Variants in EPB41L3 observed in about 807,000 individuals in gnomAD.
EPB41L3 encodes the protein erythrocyte membrane protein band 4.1 like 3, also known as band 4.1-like protein 3.
Under a neutral mutation model 127.1 loss-of-function variants are expected in EPB41L3, and 57 were observed. That is an observed-to-expected ratio of 0.45 (90% CI 0.36 to 0.56). EPB41L3 has a LOEUF of 0.56. EPB41L3 is among the 20% of genes least tolerant of loss of function. The pLI, the probability that EPB41L3 is intolerant of heterozygous loss-of-function variation, is 0.00. For synonymous variants in EPB41L3, 572 were observed against 549.5 expected, an observed-to-expected ratio of 1.04 and a Z score of -0.57; for missense variants, 1,273 against 1,372.2, an observed-to-expected ratio of 0.93 and a Z score of 1.14.
At chr18:5,402,788 G>T (rs1237324511) in intron 16 of EPB41L3, among the ~76,000 whole-genome samples, 2 of 152,112 alleles carry the variant, frequency 1.3e-5, no homozygotes, top group Admixed American at 6.5e-5. Context: ...TATCATAATT[G>T]GAAAACAAGG....
intron 1 of EPB41L3, among the ~76,000 whole-genome samples, chr18:5,515,955 AG>A (rs1264231738): frequency 6.6e-6 from 1 of 152,242 alleles, no homozygotes; most frequent in African/African-American, 2.4e-5. Flanking sequence ...ACTCAACCTC[AG>A]GAAGTCATCA....
In EPB41L3 at chr18:5,397,598, G is replaced by GCCTGCC. The variant is rs534040552; in HGVS notation, c.2473-178_2473-173dup. Among the ~76,000 whole-genome samples the GCCTGCC allele has an allele frequency of 2.4e-3, 371 of 152,254 alleles. 1 individual carries two copies. Among genetic ancestry groups the GCCTGCC allele is most frequent in the African/African-American group, 8.5e-3 (355 of 41,548 alleles). ...CATTTCTCCCACTGAAATCTCTGAT[G>GCCTGCC]CCTGCCCCTGCCCCTGGTGCATGCA... is the stretch of plus-strand genomic sequence containing the variant. On this transcript the variant is annotated intron_variant, in intron 17 of 22. Transcript: ENST00000341928. The surrounding 1 kb of genome is among the most constrained non-coding windows in gnomAD (Gnocchi z 4.1).
At position 5,406,955 on chromosome 18, in the gene EPB41L3, G is replaced by A; in HGVS notation, c.2171C>T (p.Thr724Ile). The part of the protein sequence containing the change: ...AELKAQELEK[T>I]QDDLMKHQTN... ...TTGATGTTTCATCAGGTCATCTTGA[G>A]TTTTTTCTAGCTCCTATATTCAGAA... Residue 724 changes from threonine to isoleucine, a missense_variant, in exon 16 of 23, where the codon ACT becomes ATT. Thr to Ile is a moderately conservative substitution (Grantham distance 89). This residue lies in a region of EPB41L3 where 765 missense variants were observed against 782.9 expected (regional missense o/e 0.98). Coordinates refer to ENST00000341928, the MANE Select transcript of EPB41L3 (RefSeq NM_012307.5). 2 of 1,614,124 alleles carry A rather than the reference G, an allele frequency of 1.2e-6. No individual in the cohort carries two copies. The highest frequency in any genetic ancestry group is 1.7e-5 in the Admixed American group (1 of 60,016).
chr18:5,538,448 AATT>A (rs1402839713), intron 1 of EPB41L3, among the ~76,000 whole-genome samples: 1 of 152,338 alleles, frequency 6.6e-6, no homozygotes, highest in East Asian at 1.9e-4. Flanking sequence ...GACATATCCC[AATT>A]TCAGAGATGT....
chr18:5,504,490 G>A (rs938722185), intron 1 of EPB41L3, among the ~76,000 whole-genome samples: 1 of 152,118 alleles, frequency 6.6e-6, no homozygotes. Context: ...TGAGTCCAAA[G>A]GGATTTCAAG....
chr18:5,433,175 A>G (rs1438002723), intron 8 of EPB41L3, among the ~76,000 whole-genome samples: 1 of 152,162 alleles, frequency 6.6e-6, no homozygotes, highest in African/African-American at 2.4e-5. Context: ...CTGTTATGTC[A>G]AGGTAGGTTT....
At chr18:5,456,509 T>C (rs544122404) in intron 3 of EPB41L3, among the ~76,000 whole-genome samples, 3 of 152,374 alleles carry the variant, frequency 2.0e-5, no homozygotes, top group Non-Finnish European at 2.9e-5. Context: ...ACACTGTAAA[T>C]GATGCTTCAT....
intron 1 of EPB41L3, among the ~76,000 whole-genome samples, chr18:5,511,320 T>A (rs1277475949): frequency 6.6e-6 from 1 of 150,756 alleles, no homozygotes; most frequent in Non-Finnish European, 1.5e-5. Context: ...AAAATTGACT[T>A]GAAGAAGCAA....
intron 1 of EPB41L3, among the ~76,000 whole-genome samples, chr18:5,615,162 A>C (rs1484702870): frequency 6.6e-6 from 1 of 152,200 alleles, no homozygotes; most frequent in African/African-American, 2.4e-5. Context: ...CAGAGAAAAA[A>C]AAAGCACAAA....
At chr18:5,492,550 T>C (rs2090724813) in intron 1 of EPB41L3, among the ~76,000 whole-genome samples, 1 of 152,200 alleles carries the variant, frequency 6.6e-6, no homozygotes, top group Admixed American at 6.5e-5. Flanking sequence ...CTAAAGACTA[T>C]TGTTTTCCAA....
chr18:5,614,435 T>G (rs778305347), intron 1 of EPB41L3: 2 of 152,166 alleles, frequency 1.3e-5, no homozygotes, highest in African/African-American at 2.4e-5. Flanking sequence ...TACATTCAAG[T>G]AGAATCAGAA....
intron 1 of EPB41L3, among the ~76,000 whole-genome samples, chr18:5,538,924 T>A (rs1364496435): frequency 1.3e-5 from 2 of 151,848 alleles, no homozygotes; most frequent in Non-Finnish European, 2.9e-5. Context: ...TTAAAAATAA[T>A]GACTACATAC....
chr18:5,441,614 C>T lies in EPB41L3; in HGVS notation c.529+2224G>A, dbSNP rs888537291. Among the ~76,000 whole-genome samples, 32 of 152,150 alleles carry T rather than the reference C, an allele frequency of 2.1e-4. 1 individual carries two copies. Among genetic ancestry groups the T allele is most frequent in the Admixed American group, 5.2e-4 (8 of 15,292 alleles). ...CCGAGTAGCTGGGACTACAGGCGCACGCCACCATGCCCGGCTAATTTTTGT... is the reference window on the plus strand; with the variant it reads ...CCGAGTAGCTGGGACTACAGGCGCATGCCACCATGCCCGGCTAATTTTTGT... On this transcript the variant is annotated intron_variant, in intron 5 of 22. Transcript: ENST00000341928.
intron 1 of EPB41L3, among the ~76,000 whole-genome samples, chr18:5,502,140 T>C (rs911988526): frequency 2.0e-5 from 3 of 152,002 alleles, no homozygotes; most frequent in Non-Finnish European, 4.4e-5. Flanking sequence ...ACTACGGGAG[T>C]TGAATGTCCC....
intron 1 of EPB41L3, among the ~76,000 whole-genome samples, chr18:5,618,372 A>C (rs765355350): frequency 1.3e-5 from 2 of 152,208 alleles, no homozygotes; most frequent in African/African-American, 2.4e-5. Flanking sequence ...AATACCTCCC[A>C]AAATATGAGA....
chr18:5,395,704 C>T lies in EPB41L3; in HGVS notation c.2977G>A (p.Asp993Asn), dbSNP rs145834920. ...CCTGGCTCCAGATCTGTGCCTGGAT[C>T]GACCTAAAGCAGCAGAGGCATAGAC... is the stretch of plus-strand genomic sequence containing the variant. ...KTITYESSQVDPGTDLEPGVL... is the reference protein window; with the variant it reads ...KTITYESSQVNPGTDLEPGVL... The change falls in exon 20 of 23, where the codon GAT (aspartate) becomes AAT (asparagine). Residue 993 changes from aspartate to asparagine, a missense_variant. By Grantham distance (23) the Asp-to-Asn change is conservative (BLOSUM62 1). Around this residue, in one of 3 missense-constraint regions of EPB41L3, gnomAD observed 765 missense variants for 782.9 expected, o/e 0.98. Coordinates refer to ENST00000341928, the MANE Select transcript of EPB41L3 (RefSeq NM_012307.5). The T allele has an allele frequency of 6.9e-5, 111 of 1,613,944 alleles. No individual in the cohort carries two copies. The highest frequency in any genetic ancestry group is 8.9e-5 in the Non-Finnish European group (105 of 1,179,856).
intron 1 of EPB41L3, among the ~76,000 whole-genome samples, chr18:5,617,345 G>A (rs1228408257): frequency 6.8e-6 from 1 of 146,954 alleles, no homozygotes; most frequent in Non-Finnish European, 1.5e-5. Flanking sequence ...TTGAGACGGA[G>A]TCTCACTCTG....
intron 3 of EPB41L3, among the ~76,000 whole-genome samples, chr18:5,583,573 C>T (rs1006419275): frequency 1.3e-5 from 2 of 152,326 alleles, no homozygotes; most frequent in Middle Eastern, 3.4e-3. Context: ...GGAGCAACTT[C>T]TTATTTCCTC....
intron 1 of EPB41L3, among the ~76,000 whole-genome samples, chr18:5,536,380 G>T (rs1468684603): frequency 6.6e-6 from 1 of 151,074 alleles, no homozygotes; most frequent in African/African-American, 2.4e-5. Flanking sequence ...CATCATTAAG[G>T]TAATGATCCT....
Sources: allele counts gnomAD v4.1 joint callset (sites outside exome capture counted in the v4.1 genomes callset), GRCh38; gene constraint gnomAD v4.1.1; regional missense constraint gnomAD v4.1.1; non-coding constraint Gnocchi (gnomAD v3.1); transcripts MANE v1.5; gene names NCBI Gene and HGNC (gene_info 2026-07-23, HGNC 2026-07-21).